The following TENM4 variants were observed in gnomAD, a reference collection of about 807,000 sequenced individuals.
TENM4 encodes teneurin transmembrane protein 4, also known as teneurin-4.
TENM4 carries 82 observed loss-of-function variants against 243.3 expected under a neutral mutation model. The observed-to-expected ratio is 0.34, with a 90% CI of 0.28 to 0.40. TENM4 has a LOEUF of 0.40. Ranked by LOEUF, TENM4 falls within the 10% of genes least tolerant of loss-of-function variation. The pLI is 1.00. For missense variants in TENM4, 3,138 were observed against 3,673.3 expected, an observed-to-expected ratio of 0.85 and a Z score of 3.77; for synonymous variants, 1,412 against 1,456.3, an observed-to-expected ratio of 0.97 and a Z score of 0.69.
At chr11:79,188,361 C>T (rs1365650502) in intron 3 of TENM4, among the ~76,000 whole-genome samples, 1 of 152,138 alleles carries the variant, frequency 6.6e-6, no homozygotes, top group Non-Finnish European at 1.5e-5. Context: ...ATCCAGAATG[C>T]TGACTTCAAT....
chr11:78,797,062 G>A (rs1487616688), intron 15 of TENM4, among the ~76,000 whole-genome samples: 2 of 152,226 alleles, frequency 1.3e-5, no homozygotes, highest in East Asian at 1.9e-4. Flanking sequence ...TCCAAAACCT[G>A]ATACCTGATT....
At chr11:79,370,413 C>T (rs997061946) in intron 1 of TENM4, among the ~76,000 whole-genome samples, 1 of 152,216 alleles carries the variant, frequency 6.6e-6, no homozygotes, top group Non-Finnish European at 1.5e-5. Context: ...TGGCAGCCCT[C>T]CTGGGGGAAA....
At chr11:78,818,037 A>T (rs185079211) in intron 12 of TENM4, among the ~76,000 whole-genome samples, 26 of 152,304 alleles carry the variant, frequency 1.7e-4, no homozygotes, top group Admixed American at 1.7e-3. Context: ...CCTTGAGGAT[A>T]GAAATTGAGT....
chr11:78,945,670 T>C (rs540168640), intron 6 of TENM4, among the ~76,000 whole-genome samples: 6 of 152,298 alleles, frequency 3.9e-5, no homozygotes, highest in African/African-American at 1.4e-4. Context: ...GTTAGCCACA[T>C]TGTGAATGCA....
At chr11:78,868,700 T>C (rs914069554) in intron 9 of TENM4, among the ~76,000 whole-genome samples, 4 of 152,186 alleles carry the variant, frequency 2.6e-5, no homozygotes, top group Admixed American at 1.3e-4. Flanking sequence ...CCAATATCAG[T>C]ACAGGTGAGT....
chr11:78,795,709 C>CT (rs1410693860), intron 15 of TENM4, among the ~76,000 whole-genome samples: 1 of 152,090 alleles, frequency 6.6e-6, no homozygotes, highest in Non-Finnish European at 1.5e-5. Flanking sequence ...TAAAAGTTAG[C>CT]TTTTTCTCCC....
intron 6 of TENM4, among the ~76,000 whole-genome samples, chr11:78,989,928 G>A (rs1173992576): frequency 6.6e-6 from 1 of 152,060 alleles, no homozygotes; most frequent in Non-Finnish European, 1.5e-5. Flanking sequence ...GCCGAGTGTG[G>A]TGGCATATAA....
chr11:78,784,717 T>A (rs574234941), intron 16 of TENM4, among the ~76,000 whole-genome samples: 2 of 152,322 alleles, frequency 1.3e-5, no homozygotes, highest in South Asian at 4.1e-4. Context: ...CAAGGTGGAA[T>A]CTGTTCTAGA....
At chr11:79,148,441 C>A (rs516815) in intron 4 of TENM4, among the ~76,000 whole-genome samples, 54,752 of 151,832 alleles carry the variant, frequency 0.36, 11,609 homozygotes, top group Middle Eastern at 0.5. Flanking sequence ...GGTTTCCCAG[C>A]ATCCAGGAGG....
intron 3 of TENM4, among the ~76,000 whole-genome samples, chr11:79,206,200 A>G (rs1037474130): frequency 2.6e-5 from 4 of 152,324 alleles, no homozygotes; most frequent in African/African-American, 7.2e-5. Flanking sequence ...CCCAGTCAGG[A>G]CATCTAGAAA....
chr11:79,075,614 A>G (rs2137015029), intron 4 of TENM4, among the ~76,000 whole-genome samples: 3 of 152,334 alleles, frequency 2.0e-5, no homozygotes, highest in Middle Eastern at 6.8e-3. Flanking sequence ...CTCAAGTAGC[A>G]AATATATAAC....
At chr11:79,042,399 G>A (rs915344863) in intron 6 of TENM4, among the ~76,000 whole-genome samples, 2 of 152,202 alleles carry the variant, frequency 1.3e-5, no homozygotes, top group Admixed American at 1.3e-4. Flanking sequence ...AGGAGGTGGG[G>A]CCTTTGGGAG....
At chr11:78,904,523 C>T (rs762648571) in intron 6 of TENM4, among the ~76,000 whole-genome samples, 2 of 151,946 alleles carry the variant, frequency 1.3e-5, no homozygotes, top group African/African-American at 4.8e-5. Context: ...ATAAAGTGAG[C>T]CATGCTGGGG....
intron 3 of TENM4, among the ~76,000 whole-genome samples, chr11:79,192,093 G>C (rs1251888214): frequency 1.4e-5 from 2 of 138,988 alleles, no homozygotes; most frequent in Admixed American, 6.9e-5. Context: ...GAGGGAGGTG[G>C]GGGGGGGTCA....
At chr11:78,999,818 G>A (rs1858269367) in intron 6 of TENM4, among the ~76,000 whole-genome samples, 1 of 150,662 alleles carries the variant, frequency 6.6e-6, no homozygotes, top group Non-Finnish European at 1.5e-5. Flanking sequence ...AGAGAAACCA[G>A]AGAAAGAGAA....
intron 1 of TENM4, among the ~76,000 whole-genome samples, chr11:79,353,013 C>A (rs1301339182): frequency 6.6e-6 from 1 of 152,056 alleles, no homozygotes; most frequent in Non-Finnish European, 1.5e-5. Context: ...GCAAGGCTGG[C>A]AATTTATGAA....
At chr11:79,435,466 G>T (rs1357636054) in intron 1 of TENM4, among the ~76,000 whole-genome samples, 1 of 152,170 alleles carries the variant, frequency 6.6e-6, no homozygotes, top group East Asian at 1.9e-4. Flanking sequence ...GATAGACCAT[G>T]TAAGAAGGCA....
intron 6 of TENM4, among the ~76,000 whole-genome samples, chr11:78,945,140 T>A (rs1290976867): frequency 6.6e-6 from 1 of 152,236 alleles, no homozygotes; most frequent in African/African-American, 2.4e-5. Context: ...TATTTCACTT[T>A]GCTGTAGCGC....
At chr11:78,948,884 T>G (rs1341930008) in intron 6 of TENM4, among the ~76,000 whole-genome samples, 2 of 152,220 alleles carry the variant, frequency 1.3e-5, no homozygotes, top group Non-Finnish European at 2.9e-5. Flanking sequence ...TCTGATTGTT[T>G]TCTCATAATT....
Sources: allele counts gnomAD v4.1 joint callset (sites outside exome capture counted in the v4.1 genomes callset), GRCh38; gene constraint gnomAD v4.1.1; transcripts MANE v1.5; gene names NCBI Gene and HGNC (gene_info 2026-07-23, HGNC 2026-07-21).